The following WDPCP variants were observed in gnomAD, a reference collection of about 807,000 sequenced individuals.
WDPCP encodes the protein WD repeat containing planar cell polarity effector.
In WDPCP, 71 loss-of-function variants were observed where a neutral mutation model predicts 93.1. That is an observed-to-expected ratio of 0.76 (90% CI 0.63 to 0.93). The LOEUF (loss-of-function observed/expected upper bound fraction) is 0.93, where lower values mean the gene tolerates loss of function less well. WDPCP is among the 40% of genes least tolerant of loss of function. The probability of loss-of-function intolerance (pLI) is 0.00; values close to 1 mark genes in which losing one functional copy is unlikely to be tolerated. For missense variants in WDPCP, 844 were observed against 887.4 expected, an observed-to-expected ratio of 0.95 and a Z score of 0.62; for synonymous variants, 315 against 315.0, an observed-to-expected ratio of 1.00 and a Z score of 0.00.
chr2:63,210,765 C>T (rs141032473), intron 14 of WDPCP, among the ~76,000 whole-genome samples: 131 of 152,312 alleles, frequency 8.6e-4, no homozygotes, highest in Non-Finnish European at 1.5e-3. Flanking sequence ...CCTAATACTG[C>T]GCTTTTCCAA....
upstream of WDPCP, chr2:63,590,832 G>GC (rs1558857736): frequency 6.6e-6 from 1 of 152,166 alleles, no homozygotes; most frequent in Admixed American, 6.5e-5. Context: ...CAATTTCCCT[G>GC]CCCCCTCAGG....
rs1575756267 is a variant in WDPCP at position 63,717,146 on chromosome 2, C to G, written n.309-66308G>C. 4 of 388,484 alleles carry G rather than the reference C, an allele frequency of 1.0e-5. 1 individual carries two copies. The Admixed American group carries it at 1.3e-4, about 13-fold the overall frequency. The allele number at this position is 388,484 out of a possible 1,614,324, so 24.1% of individuals were successfully genotyped here. The stretch of plus-strand genomic sequence containing the variant: ...GCCATGGCATTACTCACTGTTGCCA[C>G]CTGACTCTTGGAAATGAAGAATGCA... On this transcript the variant is annotated intron_variant and non_coding_transcript_variant, in intron 2 of 4. Transcript: ENST00000467687.
intron 2 of WDPCP, chr2:63,717,074 C>T (rs1669349883): frequency 3.6e-6 from 1 of 276,506 alleles, no homozygotes. Context: ...ATTCCTGAGG[C>T]AGCTCTCTTC....
At chr2:63,235,269 A>G (rs904714060) in intron 14 of WDPCP, among the ~76,000 whole-genome samples, 2 of 152,206 alleles carry the variant, frequency 1.3e-5, no homozygotes, top group Non-Finnish European at 2.9e-5. Flanking sequence ...TCCTGGAAAC[A>G]CACAACCACC....
intron 2 of WDPCP, among the ~76,000 whole-genome samples, chr2:63,749,124 C>T (rs1669841185): frequency 6.6e-6 from 1 of 152,024 alleles, no homozygotes; most frequent in Admixed American, 6.6e-5. Context: ...GGGTTTATTT[C>T]CAGGTCATGC....
At chr2:63,813,143 C>G (rs150356478) in intron 2 of WDPCP, among the ~76,000 whole-genome samples, 1,857 of 152,226 alleles carry the variant, frequency 0.012, 17 homozygotes, top group Non-Finnish European at 0.015. Flanking sequence ...GCATGAGCCA[C>G]CATGCTCAGC....
At chr2:63,493,246 A>G (rs1701006154) in intron 1 of WDPCP, among the ~76,000 whole-genome samples, 2 of 152,180 alleles carry the variant, frequency 1.3e-5, no homozygotes, top group African/African-American at 4.8e-5. Context: ...GAGTATATTT[A>G]GAATTATTTA....
chr2:63,123,069 A>T (rs1274650348), intron 17 of WDPCP, among the ~76,000 whole-genome samples: 1 of 151,786 alleles, frequency 6.6e-6, no homozygotes, highest in African/African-American at 2.4e-5. Flanking sequence ...AAAACCTGGA[A>T]AAACAGGTAG....
chr2:63,394,376 TAA>T (rs145280348), intron 10 of WDPCP, among the ~76,000 whole-genome samples: 3 of 148,546 alleles, frequency 2.0e-5, no homozygotes, highest in Admixed American at 6.7e-5. Flanking sequence ...ATTAATAAGC[TAA>T]AAAAAAAAAC....
intron 9 of WDPCP, among the ~76,000 whole-genome samples, chr2:63,423,827 A>G (rs1696048376): frequency 6.6e-6 from 1 of 152,230 alleles, no homozygotes; most frequent in Non-Finnish European, 1.5e-5. Flanking sequence ...AAGAAATATT[A>G]AAAGTATGTG....
intron 2 of WDPCP, among the ~76,000 whole-genome samples, chr2:63,704,803 C>T (rs1166810257): frequency 6.6e-6 from 1 of 152,176 alleles, no homozygotes; most frequent in Non-Finnish European, 1.5e-5. Context: ...CAGGATGATG[C>T]TGGCCTCATA....
intron 12 of WDPCP, among the ~76,000 whole-genome samples, chr2:63,336,875 CTCTA>C (rs1219649934): frequency 6.7e-6 from 1 of 149,488 alleles, no homozygotes; most frequent in African/African-American, 2.5e-5. Context: ...CCAGTCTACT[CTCTA>C]TCTTCATGAG....
At chr2:63,772,376 T>A (rs1204278408) in intron 2 of WDPCP, among the ~76,000 whole-genome samples, 1 of 152,050 alleles carries the variant, frequency 6.6e-6, no homozygotes, top group African/African-American at 2.4e-5. Flanking sequence ...AATGGGGTTA[T>A]TTGGTTTTGC....
intron 2 of WDPCP, among the ~76,000 whole-genome samples, chr2:63,782,012 G>A (rs914268162): frequency 6.6e-6 from 1 of 152,112 alleles, no homozygotes; most frequent in Non-Finnish European, 1.5e-5. Context: ...AGCCCAGAAA[G>A]CCTTTCCTTC....
chr2:63,771,583 G>T (rs1265079308), intron 2 of WDPCP, among the ~76,000 whole-genome samples: 1 of 151,694 alleles, frequency 6.6e-6, no homozygotes, highest in Non-Finnish European at 1.5e-5. Flanking sequence ...GGGAGTACAT[G>T]TGCAGGTCTG....
At chr2:63,655,939 A>G (rs78991945) in intron 2 of WDPCP, among the ~76,000 whole-genome samples, 1,923 of 152,328 alleles carry the variant, frequency 0.013, 13 homozygotes, top group Non-Finnish European at 0.021. Context: ...ATCAAATCAC[A>G]TGGTGCAAAT....
intron 14 of WDPCP, among the ~76,000 whole-genome samples, chr2:63,207,093 T>C (rs1167877017): frequency 6.6e-6 from 1 of 152,234 alleles, no homozygotes; most frequent in Non-Finnish European, 1.5e-5. Context: ...CTTTTGTGAC[T>C]GGCTTCATCA....
At chr2:63,170,023 G>C (rs1673267615) in intron 15 of WDPCP, among the ~76,000 whole-genome samples, 1 of 151,026 alleles carries the variant, frequency 6.6e-6, no homozygotes, top group Non-Finnish European at 1.5e-5. Context: ...CTCCCAAGTA[G>C]CTGGGACTGC....
rs565478596 is a variant in WDPCP, at chr2:63,152,035, A to G, written c.2190+879T>C. On this transcript the variant is annotated intron_variant, in intron 17 of 17. Coordinates refer to ENST00000272321, the MANE Select transcript of WDPCP (RefSeq NM_015910.7). ...TCAAAATGAACTGAGATGCGATGTC[A>G]GAGACAGAGAGGGAGAAGGGTTCAG... Among the ~76,000 whole-genome samples the G allele has an allele frequency of 3.3e-5, 5 of 152,316 alleles. No individual in the cohort carries two copies. The East Asian group carries it at 7.7e-4, about 23-fold the overall frequency.
Sources: gnomAD v4.1 joint callset for allele counts (sites outside exome capture counted in the v4.1 genomes callset) on GRCh38, gnomAD v4.1.1 for gene constraint, MANE v1.5 for transcripts, NCBI Gene and HGNC (gene_info 2026-07-23, HGNC 2026-07-21) for gene names.